The following ZNF106 variants were observed in gnomAD, a reference collection of about 807,000 sequenced individuals.
ZNF106 encodes the protein zinc finger protein 106.
In ZNF106, 67 loss-of-function variants were observed where a neutral mutation model predicts 195.1. The observed-to-expected ratio is 0.34, with a 90% CI of 0.28 to 0.42. The LOEUF is 0.42. ZNF106 is among the 10% of genes least tolerant of loss of function. The pLI, the probability that ZNF106 is intolerant of heterozygous loss-of-function variation, is 1.00. For missense variants in ZNF106, 2,118 were observed against 2,304.5 expected (o/e 0.92, Z 1.66); for synonymous variants, 784 against 818.6 (o/e 0.96, Z 0.72).
rs767606100 is a variant in ZNF106 at position 42,417,892 on chromosome 15, G to C, written c.5577C>G (p.Thr1859=). ...VVDHLKQHLL[T]DHTNPNFQTL... ...TCTGGAAGTTGGGATTAGTGTGGTC[G>C]GTCAGCAAGTGTTGTTTTAAATGAT... is the stretch of plus-strand genomic sequence containing the variant. Residue 1859 remains threonine, a synonymous_variant, in exon 21 of 22, where the codon ACC becomes ACG. Transcript: ENST00000564754. 6.2e-7 allele frequency: 1 copy of C among 1,613,894 alleles called. No individual in the cohort carries two copies. Among genetic ancestry groups the C allele is most frequent in the East Asian group, 2.2e-5 (1 of 44,880 alleles).
chr15:42,480,229 C>T (rs1187098336), intron 1 of ZNF106, among the ~76,000 whole-genome samples: 1 of 152,144 alleles, frequency 6.6e-6, no homozygotes, highest in African/African-American at 2.4e-5. Context: ...TATTTTGAAG[C>T]GCTGATATCA....
chr15:42,450,637 G>A lies in ZNF106; in HGVS notation c.1635C>T (p.Gly545=). 1 of 1,614,158 alleles carries A rather than the reference G, an allele frequency of 6.2e-7. No individual in the cohort carries two copies. Among genetic ancestry groups the A allele is most frequent in the Non-Finnish European group, 8.5e-7 (1 of 1,180,034 alleles). Residue 545 remains glycine, a synonymous_variant, in exon 5 of 22, where the codon GGC becomes GGT. Transcript: ENST00000564754. The stretch of plus-strand genomic sequence containing the variant: ...AATTATCACCAGATTGCTTTTGAGA[G>A]CCAAATGTACTTTTATTCCCTTTTA... ...HVLKGNKSTF[G]SQKQSGDNLN... is the part of the protein sequence containing the mutation.
At position 42,472,291 on chromosome 15, in the gene ZNF106, G is replaced by A. The variant is rs1447380263; in HGVS notation, c.-2C>T. The A allele has an allele frequency of 2.0e-6, 3 of 1,535,672 alleles. No homozygotes were observed. The highest frequency in any genetic ancestry group is 1.7e-4 in the Middle Eastern group (1 of 5,990). On this transcript the variant is annotated 5_prime_UTR_variant, in exon 2 of 22. Transcript: ENST00000564754. ...TATGCATTTTCGTTCTCGTACCATA[G>A]TGACCAGATCTGAAGCACTCAACGT...
intron 8 of ZNF106, 102 bp downstream of exon 8, chr15:42,444,725 C>G: frequency 6.8e-7 from 1 of 1,468,732 alleles, no homozygotes; most frequent in Non-Finnish European, 9.2e-7. Context: ...TGTGGAAACT[C>G]CCCTGCCATT....
At position 42,448,814 on chromosome 15, in the gene ZNF106, G is replaced by A; in HGVS notation, c.2502-109C>T. 2.6e-6 allele frequency: 3 copies of A among 1,174,476 alleles called. No homozygotes were observed. The Middle Eastern group carries it at 8.8e-4, about 343-fold the overall frequency. 72.8% of individuals were successfully genotyped at this position (1,174,476 alleles called of 1,614,324 possible). ...CAAGCACTGAGGTTATAAAAAGTAA[G>A]GTGGCTCTTGCCTTCAAGGGGCTCA... On this transcript the variant is annotated intron_variant, in intron 5 of 21. Transcript: ENST00000564754.
chr15:42,470,729 G>A (rs888515637), intron 2 of ZNF106, among the ~76,000 whole-genome samples: 1 of 152,086 alleles, frequency 6.6e-6, no homozygotes, highest in Non-Finnish European at 1.5e-5. Context: ...ATGAAACTCT[G>A]ATATCACATC....
In ZNF106 at chr15:42,439,090, T is replaced by G. The variant is rs2055396434; in HGVS notation, c.4487A>C (p.Asp1496Ala). ...NPLETSRSGC[D>A]EVSSTSEIGT... ...AATTTCACTGGTAGAGCTAACTTCA[T>G]CACACCCAGAACGAGACGTTTCTAG... Residue 1496 changes from aspartate (D) to alanine (A), a missense_variant, in exon 11 of 22, where the codon GAT becomes GCT. Coordinates refer to ENST00000564754, the MANE Select transcript of ZNF106 (RefSeq NM_001366845.3). 1 of 1,614,080 alleles carries G rather than the reference T, an allele frequency of 6.2e-7. No individual in the cohort carries two copies. Among genetic ancestry groups the G allele is most frequent in the African/African-American group, 1.3e-5 (1 of 74,928 alleles).
chr15:42,451,400 T>C lies in ZNF106; in HGVS notation c.872A>G (p.Asn291Ser), dbSNP rs1193207202. 3.1e-6 allele frequency: 5 copies of C among 1,614,106 alleles called. No homozygotes were observed. Among genetic ancestry groups the C allele is most frequent in the East Asian group, 2.2e-5 (1 of 44,906 alleles). The change falls in exon 5 of 22, where the codon AAT becomes AGT. Residue 291 changes from asparagine to serine, a missense_variant. By Grantham distance (46) the Asn-to-Ser change is conservative. Coordinates refer to ENST00000564754, the MANE Select transcript of ZNF106 (RefSeq NM_001366845.3). The part of the protein sequence containing the change: ...DMTMLWNKKS[N>S]KSNKYSHDRY... ...GTCGTGACTGTATTTGTTTGACTTATTAGATTTCTTGTTCCATAGCATAGT... is the reference window on the plus strand; with the variant it reads ...GTCGTGACTGTATTTGTTTGACTTACTAGATTTCTTGTTCCATAGCATAGT...
At chr15:42,454,704 C>T (rs1214335716) in intron 4 of ZNF106, among the ~76,000 whole-genome samples, 4 of 151,404 alleles carry the variant, frequency 2.6e-5, no homozygotes, top group Non-Finnish European at 4.4e-5. Context: ...GGTGACATGG[C>T]TAAACCCCAT....
At chr15:42,424,719 AT>A in intron 16 of ZNF106, 114 bp downstream of exon 16, 1 of 1,055,746 alleles carries the variant, frequency 9.5e-7, no homozygotes, top group Non-Finnish European at 1.3e-6. Flanking sequence ...AGCTCAAGCG[AT>A]CCCCCTGCCT....
At chr15:42,426,352 C>A (rs181809924) in intron 15 of ZNF106, among the ~76,000 whole-genome samples, 2 of 151,674 alleles carry the variant, frequency 1.3e-5, no homozygotes, top group African/African-American at 4.8e-5. Context: ...ATCATCTCAT[C>A]ATTTTGCCTC....
intron 1 of ZNF106, among the ~76,000 whole-genome samples, chr15:42,483,361 C>T (rs2056944845): frequency 1.3e-5 from 2 of 152,170 alleles, no homozygotes; most frequent in South Asian, 4.1e-4. Flanking sequence ...TCAAGCGGGA[C>T]AGACTGATCA....
intron 4 of ZNF106, among the ~76,000 whole-genome samples, chr15:42,453,803 C>A (rs1028984835): frequency 2.0e-5 from 3 of 152,096 alleles, no homozygotes; most frequent in South Asian, 2.1e-4. Context: ...ACCATGTTGG[C>A]CAGGCTGGTC....
intron 1 of ZNF106, among the ~76,000 whole-genome samples, chr15:42,479,244 G>A (rs1416445296): frequency 6.6e-6 from 1 of 151,900 alleles, no homozygotes; most frequent in East Asian, 1.9e-4. Flanking sequence ...CATGGTGGTG[G>A]GCACCTGTAA....
intron 1 of ZNF106, among the ~76,000 whole-genome samples, chr15:42,475,517 G>C (rs116222748): frequency 0.014 from 2,092 of 152,230 alleles, 58 homozygotes; most frequent in African/African-American, 0.048. Flanking sequence ...ATTTAAGAAA[G>C]CTGAATGTCA....
At chr15:42,447,956 AG>A in intron 6 of ZNF106, 115 bp downstream of exon 6, 1 of 1,210,574 alleles carries the variant, frequency 8.3e-7, no homozygotes, top group South Asian at 1.5e-5. Context: ...CAATTCTTCT[AG>A]AAGTTGAGAG....
intron 20 of ZNF106, 65 bp downstream of exon 20, chr15:42,420,992 GATCT>G (rs2054632530): frequency 1.5e-5 from 20 of 1,311,936 alleles, no homozygotes; most frequent in Non-Finnish European, 2.2e-5. Context: ...TGATAATGAA[GATCT>G]ATCAATTAGC....
intron 20 of ZNF106, 124 bp downstream of exon 20, chr15:42,420,937 T>C (rs1217840699): frequency 1.2e-6 from 1 of 843,882 alleles, no homozygotes; most frequent in Non-Finnish European, 2.0e-6. Flanking sequence ...TGATCTACAG[T>C]GTAAGGCATA....
rs1322289646 is a variant in ZNF106 at position 42,444,260 on chromosome 15, T to A, written c.3363A>T (p.Ile1121=). 1 of 1,605,900 alleles carries A rather than the reference T, an allele frequency of 6.2e-7. No individual in the cohort carries two copies. Among genetic ancestry groups the A allele is most frequent in the Non-Finnish European group, 8.5e-7 (1 of 1,174,220 alleles). ...VQRLLMLKQQ[I]TMEMSALRTH... is the part of the protein sequence containing the mutation. ...TCCTCAGTGCACTCATCTCCATAGTTATCTAAAAATAAAGTATTTTATTAA... is the reference window on the plus strand; with the variant it reads ...TCCTCAGTGCACTCATCTCCATAGTAATCTAAAAATAAAGTATTTTATTAA... The change falls in exon 9 of 22, where the codon ATA becomes ATT. Residue 1121 remains isoleucine (I), a splice_region_variant and synonymous_variant. Coordinates refer to ENST00000564754, the MANE Select transcript of ZNF106 (RefSeq NM_001366845.3).
Sources: allele counts gnomAD v4.1 joint callset (sites outside exome capture counted in the v4.1 genomes callset), GRCh38; gene constraint gnomAD v4.1.1; transcripts MANE v1.5; gene names NCBI Gene and HGNC (gene_info 2026-07-23, HGNC 2026-07-21).